The following TTC12 variants were observed in gnomAD, a reference collection of about 807,000 sequenced individuals.
TTC12 encodes tetratricopeptide repeat protein 12.
In TTC12, 70 loss-of-function variants were observed where a neutral mutation model predicts 90.1. That is an observed-to-expected ratio of 0.78 (90% CI 0.64 to 0.95). The LOEUF is 0.95. Ranked by LOEUF, TTC12 falls within the 40% of genes least tolerant of loss-of-function variation. The probability of loss-of-function intolerance (pLI) is 0.00; values close to 1 mark genes in which losing one functional copy is unlikely to be tolerated. For synonymous variants in TTC12, 296 were observed against 311.5 expected (o/e 0.95, Z 0.53); for missense variants, 819 against 846.1 (o/e 0.97, Z 0.40).
chr11:113,325,188 A>G (rs1275438618), intron 5 of TTC12, among the ~76,000 whole-genome samples: 2 of 152,130 alleles, frequency 1.3e-5, no homozygotes, highest in African/African-American at 4.8e-5. Context: ...GAATGATTCC[A>G]TATTTGTTGG....
At chr11:113,335,151 T>C in intron 8 of TTC12, 114 bp downstream of exon 8, 1 of 805,568 alleles carries the variant, frequency 1.2e-6, no homozygotes, top group Non-Finnish European at 2.0e-6. Context: ...CATCCTTTAG[T>C]ATTTTCCAAG....
At chr11:113,335,065 A>G (rs369095177) in intron 8 of TTC12, 28 bp downstream of exon 8, 15 of 1,538,210 alleles carry the variant, frequency 9.8e-6, no homozygotes, top group African/African-American at 1.4e-5. Flanking sequence ...TGTAATTGAC[A>G]TGTTTGATCA....
chr11:113,324,751 A>G, intron 5 of TTC12, 69 bp downstream of exon 5: 8 of 1,389,002 alleles, frequency 5.8e-6, no homozygotes, highest in Non-Finnish European at 8.1e-6. Flanking sequence ...GAAGGCCTGT[A>G]TGCTGACATT....
At chr11:113,358,547 AT>A (rs1555153330) in intron 16 of TTC12, among the ~76,000 whole-genome samples, 8 of 152,244 alleles carry the variant, frequency 5.3e-5, no homozygotes, top group African/African-American at 1.9e-4. Context: ...GCCCTGTTTG[AT>A]GGGCAAGACC....
chr11:113,365,320 C>T (rs999675113), intron 21 of TTC12, among the ~76,000 whole-genome samples: 1 of 152,148 alleles, frequency 6.6e-6, no homozygotes, highest in African/African-American at 2.4e-5. Context: ...CTGCCGTTGC[C>T]TTCTCTCCAT....
rs768137642 is a variant in TTC12 at position 113,366,269 on chromosome 11, A to G, written c.2087A>G (p.Asn696Ser). The G allele has an allele frequency of 1.2e-6, 2 of 1,613,672 alleles. No individual in the cohort carries two copies. The highest frequency in any genetic ancestry group is 2.2e-5 in the East Asian group (1 of 44,864). ...AAGCTTCATGGCCTAGAAATTCTCA[A>G]CTCTACGATGAAATACATCAGTGAT... is the stretch of plus-strand genomic sequence containing the variant. ...LRKLHGLEILNSTMKYISDS is the reference protein window; with the variant it reads ...LRKLHGLEILSSTMKYISDS Residue 696 changes from asparagine (N) to serine (S), a missense_variant, in exon 22 of 22, where the codon AAC (asparagine) becomes AGC (serine). Physicochemically the swap from Asn to Ser is conservative, Grantham distance 46. Transcript: ENST00000529221.
chr11:113,365,045 G>T lies in TTC12; in HGVS notation c.2027G>T (p.Cys676Phe). Residue 676 changes from cysteine (C) to phenylalanine (F), a missense_variant, in exon 21 of 22, where the codon TGC becomes TTC. Physicochemically the swap from Cys to Phe is radical, Grantham distance 205 (BLOSUM62 -2). Coordinates refer to ENST00000529221, the MANE Select transcript of TTC12 (RefSeq NM_017868.4). ...GCAGGCATTGCTCTGGGGAAGCTGT[G>T]CACAGCTGAGCCCAGGTATGCTGTG... Reference protein sequence around the residue: ...VNAGIALGKLCTAEPRFAAQL... With the variant: ...VNAGIALGKLFTAEPRFAAQL... 6.2e-7 allele frequency: 1 copy of T among 1,613,922 alleles called. No individual in the cohort carries two copies. Among genetic ancestry groups the T allele is most frequent in the African/African-American group, 1.3e-5 (1 of 75,048 alleles).
chr11:113,324,352 CTT>C (rs1947549740), intron 4 of TTC12: 1 of 548,340 alleles, frequency 1.8e-6, no homozygotes, highest in African/African-American at 1.9e-5. Context: ...AAGAAAAACT[CTT>C]TTAAAAGACA....
At chr11:113,353,661 A>T (rs539295768) in intron 16 of TTC12, among the ~76,000 whole-genome samples, 1 of 152,328 alleles carries the variant, frequency 6.6e-6, no homozygotes, top group East Asian at 1.9e-4. Context: ...GAAGGGGTCC[A>T]GTTTCAATCT....
chr11:113,363,466 G>A (rs561426093), intron 19 of TTC12, among the ~76,000 whole-genome samples: 8 of 152,318 alleles, frequency 5.3e-5, no homozygotes, highest in Non-Finnish European at 8.8e-5. Flanking sequence ...GTCAGTCCTC[G>A]TTCTCAAATG....
At chr11:113,363,171 C>T (rs139420258) in intron 19 of TTC12, among the ~76,000 whole-genome samples, 48 of 152,278 alleles carry the variant, frequency 3.2e-4, no homozygotes, top group Middle Eastern at 6.8e-3. Flanking sequence ...GCATGCTCTG[C>T]GGGCTGCTGC....
chr11:113,341,848 C>T lies in TTC12; in HGVS notation c.908C>T (p.Thr303Ile), dbSNP rs1948704071. ...TTTGTCCATTCTAGGTGTTTTTCCA[C>T]AGCAGGAAATGATGCAGTTGAAGAA... ...DNEVIRRCFSTAGNDAVEEMV... is the reference protein window; with the variant it reads ...DNEVIRRCFSIAGNDAVEEMV... The change falls in exon 12 of 22, where the codon ACA (threonine) becomes ATA (isoleucine). Residue 303 changes from threonine (T) to isoleucine (I), a missense_variant. Thr to Ile is a moderately conservative substitution (Grantham distance 89). Coordinates refer to ENST00000529221, the MANE Select transcript of TTC12 (RefSeq NM_017868.4). 4 of 1,613,760 alleles carry T rather than the reference C, an allele frequency of 2.5e-6. No homozygotes were observed. In the South Asian group the frequency reaches 4.4e-5, roughly 18 times the overall value.
chr11:113,368,266 G>T (rs1383710187), downstream of TTC12: 1 of 1,529,534 alleles, frequency 6.5e-7, no homozygotes, highest in African/African-American at 1.4e-5. Context: ...CAGGTGGGAA[G>T]AGATGTTTCA....
At chr11:113,345,939 TAGTC>T (rs1328636889) in intron 13 of TTC12, among the ~76,000 whole-genome samples, 3 of 152,128 alleles carry the variant, frequency 2.0e-5, no homozygotes, top group African/African-American at 7.2e-5. Context: ...CTCTCTAAGA[TAGTC>T]AGAGAAACCT....
downstream of TTC12, among the ~76,000 whole-genome samples, chr11:113,366,979 A>C (rs983007274): frequency 2.0e-5 from 3 of 152,230 alleles, no homozygotes; most frequent in African/African-American, 7.2e-5. Context: ...GTGCCAAAGC[A>C]CAGGCTTCTC....
intron 21 of TTC12, among the ~76,000 whole-genome samples, chr11:113,365,874 A>C (rs552628503): frequency 6.6e-6 from 1 of 152,252 alleles, no homozygotes. Flanking sequence ...TGGTTGTTCA[A>C]ATGGAAGGAA....
chr11:113,339,658 C>A, intron 10 of TTC12, 184 bp downstream of exon 10: 1 of 564,972 alleles, frequency 1.8e-6, no homozygotes, highest in African/African-American at 1.9e-5. Context: ...TCCATCCTCT[C>A]TACAGAGCAT....
rs1224806831 is a variant in TTC12 at position 113,351,167 on chromosome 11, A to G, written c.1248-72A>G. 3.5e-6 allele frequency: 5 copies of G among 1,412,868 alleles called. No individual in the cohort carries two copies. The East Asian group carries it at 9.2e-5, about 26-fold the overall frequency. The allele number at this position is 1,412,868 out of a possible 1,614,324, so 87.5% of individuals were successfully genotyped here. A position where few individuals can be genotyped will look rare whatever the true frequency, so the allele number is the denominator to read the frequency against. On this transcript the variant is annotated intron_variant, in intron 14 of 21. Coordinates refer to ENST00000529221, the MANE Select transcript of TTC12 (RefSeq NM_017868.4). The stretch of plus-strand genomic sequence containing the variant: ...GGACCTAGAGTTTGCAACATTAACT[A>G]TCTGAGACACTGTATTTATGTTATA...
chr11:113,362,746 C>A (rs1402451478), intron 19 of TTC12, among the ~76,000 whole-genome samples: 5 of 152,292 alleles, frequency 3.3e-5, no homozygotes, highest in Non-Finnish European at 7.3e-5. Flanking sequence ...AACCTGCTTA[C>A]CCCTCAAGCC....
Sources: gnomAD v4.1 joint callset for allele counts (sites outside exome capture counted in the v4.1 genomes callset) on GRCh38, gnomAD v4.1.1 for gene constraint, MANE v1.5 for transcripts, NCBI Gene and HGNC (gene_info 2026-07-23, HGNC 2026-07-21) for gene names.